SVOPL: variants seen among roughly 807,000 people sequenced by gnomAD.
The protein encoded by SVOPL is putative transporter SVOPL.
SVOPL carries 60 observed loss-of-function variants against 61.0 expected under a neutral mutation model. That is an observed-to-expected ratio of 0.98 (90% CI 0.80 to 1.22). SVOPL has a LOEUF of 1.22. Ranked by LOEUF, SVOPL falls within the 50% of genes most tolerant of loss-of-function variation. The pLI, the probability that SVOPL is intolerant of heterozygous loss-of-function variation, is 0.00. For synonymous variants in SVOPL, 279 were observed against 250.0 expected, an observed-to-expected ratio of 1.12 and a Z score of -1.09; for missense variants, 662 against 643.9, an observed-to-expected ratio of 1.03 and a Z score of -0.30.
intron 9 of SVOPL, among the ~76,000 whole-genome samples, chr7:138,637,165 T>C (rs1175042528): frequency 3.3e-5 from 5 of 152,064 alleles, no homozygotes; most frequent in Admixed American, 2.6e-4. Context: ...GCGTGGTGGA[T>C]GCATGTAATC....
chr7:138,638,302 C>T (rs1350889396), intron 9 of SVOPL, among the ~76,000 whole-genome samples: 1 of 136,210 alleles, frequency 7.3e-6, no homozygotes, highest in Non-Finnish European at 1.5e-5. Flanking sequence ...AAGTATAAAA[C>T]CAAATTAACA....
chr7:138,678,434 C>T lies in SVOPL; in HGVS notation c.174G>A (p.Gly58=), dbSNP rs1166193359. 6.4e-6 allele frequency: 10 copies of T among 1,551,668 alleles called. No homozygotes were observed. Among genetic ancestry groups the T allele is most frequent in the Admixed American group, 5.9e-5 (3 of 50,944 alleles). The change falls in exon 3 of 16, where the codon GGG becomes GGA. Residue 58 remains glycine (G), a splice_region_variant and synonymous_variant. Coordinates refer to ENST00000674285, the MANE Select transcript of SVOPL (RefSeq NM_001139456.2). ...GTCAACATCTCGAAGGAGCACTCAC[C>T]CCAGTACTGCCCATGATCAGAAAGA... ...IALFLIMGST[G]VVEAMEIMLI...
chr7:138,622,214 C>CTATG (rs1563096622), intron 13 of SVOPL, among the ~76,000 whole-genome samples: 157 of 45,280 alleles, frequency 3.5e-3, no homozygotes, highest in African/African-American at 0.013. Flanking sequence ...ATCTATCTAT[C>CTATG]TATCTATGTA....
chr7:138,630,349 C>G (rs1800119800), intron 9 of SVOPL, among the ~76,000 whole-genome samples: 1 of 152,138 alleles, frequency 6.6e-6, no homozygotes, highest in African/African-American at 2.4e-5. Flanking sequence ...TTGACAGGTA[C>G]CAAAGCTCAC....
chr7:138,664,386 TC>T (rs1802157203), intron 4 of SVOPL, among the ~76,000 whole-genome samples: 3 of 141,236 alleles, frequency 2.1e-5, no homozygotes, highest in Middle Eastern at 7.7e-3. Context: ...TAATCCTCCA[TC>T]GGGCACGCCT....
At chr7:138,674,327 G>A (rs1382905797) in intron 3 of SVOPL, among the ~76,000 whole-genome samples, 1 of 151,922 alleles carries the variant, frequency 6.6e-6, no homozygotes, top group Non-Finnish European at 1.5e-5. Flanking sequence ...CCCAACTGCT[G>A]CTTCTATGGC....
At chr7:138,633,911 CTG>C (rs1482124277) in intron 9 of SVOPL, among the ~76,000 whole-genome samples, 1 of 152,184 alleles carries the variant, frequency 6.6e-6, no homozygotes, top group Non-Finnish European at 1.5e-5. Context: ...CACCTCTTGC[CTG>C]TGTGTAGGAC....
chr7:138,637,757 A>C (rs1312940642), intron 9 of SVOPL, among the ~76,000 whole-genome samples: 1 of 150,798 alleles, frequency 6.6e-6, no homozygotes, highest in African/African-American at 2.4e-5. Context: ...TTCGAGACCA[A>C]CCTGGCCAAC....
In SVOPL at chr7:138,644,947, G is replaced by A; in HGVS notation, c.661-102C>T. On this transcript the variant is annotated intron_variant, in intron 8 of 15. Transcript: ENST00000674285. ...ACTACAGTCCTAGTTTCCCAAGATA[G>A]GAAAAGTATGTAACCAGCTTAAAGG... The A allele has an allele frequency of 3.4e-6, 5 of 1,457,462 alleles. No individual in the cohort carries two copies. The South Asian group carries it at 3.8e-5, about 11-fold the overall frequency. 90.3% of individuals were successfully genotyped at this position (1,457,462 alleles called of 1,614,324 possible). A position where few individuals can be genotyped will look rare whatever the true frequency, so the allele number is the denominator to read the frequency against.
intron 11 of SVOPL, among the ~76,000 whole-genome samples, chr7:138,627,881 A>T (rs1196779529): frequency 1.3e-5 from 2 of 152,188 alleles, no homozygotes; most frequent in African/African-American, 4.8e-5. Flanking sequence ...GCTATCTAAC[A>T]AGCCATTGTA....
intron 9 of SVOPL, among the ~76,000 whole-genome samples, chr7:138,643,557 T>C (rs1800942868): frequency 6.6e-6 from 1 of 151,668 alleles, no homozygotes; most frequent in Non-Finnish European, 1.5e-5. Context: ...GGCCTATCCA[T>C]ACAATGAAAT....
chr7:138,687,830 T>C (rs1021829505), intron 1 of SVOPL, among the ~76,000 whole-genome samples: 3 of 150,534 alleles, frequency 2.0e-5, no homozygotes, highest in African/African-American at 7.3e-5. Context: ...TTAAATAGAG[T>C]CTTGCTCTGT....
intron 4 of SVOPL, among the ~76,000 whole-genome samples, chr7:138,671,373 G>C (rs1342237161): frequency 1.3e-5 from 2 of 152,096 alleles, no homozygotes; most frequent in Non-Finnish European, 2.9e-5. Context: ...TTGAGATGGA[G>C]TTTCACTCTT....
intron 4 of SVOPL, 48 bp from the exon 5 acceptor site, chr7:138,663,193 G>A (rs1171786812): frequency 4.4e-6 from 7 of 1,592,224 alleles, no homozygotes; most frequent in Middle Eastern, 1.7e-4. Context: ...GGTTTTACAT[G>A]TTACTTTACC....
chr7:138,662,441 G>C (rs570637008), intron 5 of SVOPL: 1 of 985,244 alleles, frequency 1.0e-6, no homozygotes, highest in African/African-American at 1.7e-5. Context: ...TGGGTGCTCT[G>C]GGGGGTTAGA....
intron 5 of SVOPL, chr7:138,660,299 G>A (rs769311559): frequency 1.2e-5 from 13 of 1,086,600 alleles, no homozygotes; most frequent in South Asian, 3.2e-5. Flanking sequence ...TCACAGGGCT[G>A]CTGGGGACGT....
intron 4 of SVOPL, among the ~76,000 whole-genome samples, chr7:138,667,890 G>A (rs1316278996): frequency 6.6e-6 from 1 of 152,204 alleles, no homozygotes; most frequent in Admixed American, 6.5e-5. Flanking sequence ...TTAAAACAAA[G>A]ATGATAACCG....
In SVOPL at chr7:138,669,473, G is replaced by A. The variant is rs1226811089; in HGVS notation, c.273+2546C>T. 2.6e-5 allele frequency among the ~76,000 whole-genome samples: 4 copies of A among 152,134 alleles called. No homozygotes were observed. The East Asian group carries it at 7.7e-4, about 29-fold the overall frequency. On this transcript the variant is annotated intron_variant, in intron 4 of 15. Coordinates refer to ENST00000674285, the MANE Select transcript of SVOPL (RefSeq NM_001139456.2). ...AATTATCTTAAACCTGCTCCCTAGG[G>A]ATCATGTCAAATTACAAAGATCAGC...
At chr7:138,662,870 G>A in intron 5 of SVOPL, 2 of 1,424,542 alleles carry the variant, frequency 1.4e-6, no homozygotes, top group East Asian at 2.6e-5. Flanking sequence ...CACCTGGACT[G>A]CAGAGGAACA....
Sources: allele counts gnomAD v4.1 joint callset (sites outside exome capture counted in the v4.1 genomes callset), GRCh38; gene constraint gnomAD v4.1.1; transcripts MANE v1.5; gene names NCBI Gene and HGNC (gene_info 2026-07-23, HGNC 2026-07-21).